WDR27: variants seen among roughly 807,000 people sequenced by gnomAD.
WDR27 encodes the protein WD repeat-containing protein 27.
Under a neutral mutation model 114.4 loss-of-function variants are expected in WDR27, and 100 were observed. The ratio of observed to expected loss-of-function variants is 0.87; its 90% CI spans 0.74 to 1.03. The LOEUF (loss-of-function observed/expected upper bound fraction) is 1.03. WDR27 is among the 50% of genes least tolerant of loss of function. WDR27 has a pLI of 0.00. For synonymous variants in WDR27, 449 were observed against 423.1 expected (o/e 1.06, Z -0.75); for missense variants, 1,129 against 1,092.9 (o/e 1.03, Z -0.47).
intron 25 of WDR27, among the ~76,000 whole-genome samples, chr6:169,552,427 C>T (rs1049877486): frequency 3.3e-5 from 5 of 152,202 alleles, no homozygotes; most frequent in Admixed American, 6.5e-5. Flanking sequence ...AACAGCTGAA[C>T]GCAGAGGGCA....
At chr6:169,432,928 A>T in the WDR27 span, among the ~76,000 whole-genome samples, 23 of 152,164 alleles carry the variant, frequency 1.5e-4, no homozygotes, top group Admixed American at 1.1e-3. Flanking sequence ...ATGAGGGAAA[A>T]TTTGGAACTT....
intron 23 of WDR27, among the ~76,000 whole-genome samples, chr6:169,601,482 A>C (rs533038880): frequency 1.3e-5 from 2 of 152,356 alleles, no homozygotes; most frequent in African/African-American, 4.8e-5. Context: ...TGTAAATGAA[A>C]ATACCACTAC....
intron 14 of WDR27, among the ~76,000 whole-genome samples, chr6:169,650,451 C>T (rs765648122): frequency 3.4e-5 from 5 of 149,026 alleles, no homozygotes; most frequent in Non-Finnish European, 7.4e-5. Context: ...CTCCATCCCT[C>T]TTTCCCCTCA....
intron 20 of WDR27, 67 bp from the exon 21 acceptor site, chr6:169,633,135 C>A (rs1306462652): frequency 6.9e-7 from 1 of 1,458,816 alleles, no homozygotes; most frequent in Non-Finnish European, 9.2e-7. Flanking sequence ...AGTTCCCTCT[C>A]TTTTACTAAT....
chr6:169,641,232 C>T (rs1229874719), intron 17 of WDR27, among the ~76,000 whole-genome samples: 1 of 152,258 alleles, frequency 6.6e-6, no homozygotes, highest in Non-Finnish European at 1.5e-5. Context: ...GATCCCCCTC[C>T]TCTCCCGAGC....
intron 24 of WDR27, among the ~76,000 whole-genome samples, chr6:169,581,585 A>G (rs1803433851): frequency 6.6e-6 from 1 of 152,210 alleles, no homozygotes; most frequent in South Asian, 2.1e-4. Context: ...TATAATAGGG[A>G]AGGAAAACAT....
chr6:169,527,848 A>T (rs564674388), intron 25 of WDR27, among the ~76,000 whole-genome samples: 1 of 152,320 alleles, frequency 6.6e-6, no homozygotes, highest in South Asian at 2.1e-4. Flanking sequence ...TTTTAAAAGG[A>T]CATTGAGAAA....
At chr6:169,528,042 G>A (rs80061185) in intron 25 of WDR27, among the ~76,000 whole-genome samples, 8,758 of 151,902 alleles carry the variant, frequency 0.058, 356 homozygotes, top group South Asian at 0.12. Flanking sequence ...AAATAAATGG[G>A]TAACAGCCTT....
chr6:169,528,750 C>A (rs953423661), intron 25 of WDR27, among the ~76,000 whole-genome samples: 1 of 152,194 alleles, frequency 6.6e-6, no homozygotes, highest in Non-Finnish European at 1.5e-5. Flanking sequence ...AGGTCTCGAA[C>A]TCCCGGCCTC....
intron 25 of WDR27, among the ~76,000 whole-genome samples, chr6:169,504,382 T>A (rs1325279069): frequency 2.0e-5 from 3 of 152,112 alleles, no homozygotes; most frequent in Non-Finnish European, 4.4e-5. Context: ...GCGGTTTCCT[T>A]CATACTTTTC....
intron 23 of WDR27, 46 bp from the exon 24 acceptor site, chr6:169,582,980 G>A: frequency 1.9e-6 from 3 of 1,566,096 alleles, no homozygotes; most frequent in Non-Finnish European, 2.6e-6. Context: ...TCAGAGTCAG[G>A]AATCACCTGT....
intron 23 of WDR27, among the ~76,000 whole-genome samples, chr6:169,597,048 T>C (rs946680576): frequency 6.6e-6 from 1 of 152,212 alleles, no homozygotes; most frequent in African/African-American, 2.4e-5. Context: ...TTGTTCATTA[T>C]TTTTAGTAAT....
intron 9 of WDR27, 24 bp from the exon 10 acceptor site, chr6:169,660,790 G>C: frequency 6.3e-7 from 1 of 1,597,790 alleles, no homozygotes; most frequent in Non-Finnish European, 8.6e-7. Flanking sequence ...AAAAAGAAAA[G>C]AATACACAAT....
At chr6:169,666,815 A>T (rs1313173267) in intron 6 of WDR27, 2 of 985,462 alleles carry the variant, frequency 2.0e-6, no homozygotes, top group Non-Finnish European at 2.4e-6. Context: ...TGGTTCTGGG[A>T]TGTGTTTCTA....
At chr6:169,591,358 CATCT>C (rs1805708435) in intron 23 of WDR27, among the ~76,000 whole-genome samples, 1 of 152,126 alleles carries the variant, frequency 6.6e-6, no homozygotes, top group Non-Finnish European at 1.5e-5. Context: ...TCAATTACTC[CATCT>C]GAGATTGAAG....
intron 2 of WDR27, among the ~76,000 whole-genome samples, chr6:169,676,621 A>AG (rs1476070115): frequency 6.6e-6 from 1 of 152,172 alleles, no homozygotes; most frequent in Non-Finnish European, 1.5e-5. Flanking sequence ...GAAGCCTGCC[A>AG]CCTGGAGGCT....
chr6:169,479,926 C>T (rs1787724032), intron 25 of WDR27, among the ~76,000 whole-genome samples: 1 of 152,236 alleles, frequency 6.6e-6, no homozygotes, highest in Non-Finnish European at 1.5e-5. Context: ...CTTCGGCATC[C>T]ACTCTGGCCA....
intron 25 of WDR27, among the ~76,000 whole-genome samples, chr6:169,565,949 T>C (rs543085967): frequency 6.6e-6 from 1 of 152,346 alleles, no homozygotes; most frequent in Non-Finnish European, 1.5e-5. Context: ...TATAGCCCCA[T>C]TTTTTAATTA....
intron 16 of WDR27, among the ~76,000 whole-genome samples, chr6:169,647,021 C>G (rs1410895013): frequency 6.6e-6 from 1 of 152,142 alleles, no homozygotes; most frequent in African/African-American, 2.4e-5. Flanking sequence ...AGGGTACCGG[C>G]CCAGATAGGA....
Sources: gnomAD v4.1 joint callset for allele counts (sites outside exome capture counted in the v4.1 genomes callset) on GRCh38, gnomAD v4.1.1 for gene constraint, MANE v1.5 for transcripts, NCBI Gene and HGNC (gene_info 2026-07-23, HGNC 2026-07-21) for gene names.